Variants in KRT86 observed in about 807,000 individuals in gnomAD.
KRT86 encodes the protein keratin, type II cuticular Hb6.
KRT86 carries 30 observed loss-of-function variants against 41.2 expected under a neutral mutation model. The ratio of observed to expected loss-of-function variants is 0.73; its 90% CI spans 0.54 to 0.99. The LOEUF (loss-of-function observed/expected upper bound fraction) is 0.99. KRT86 is among the 50% of genes least tolerant of loss of function. The pLI is 0.00. For synonymous variants in KRT86, 238 were observed against 238.1 expected (o/e 1.00, Z 0.00); for missense variants, 561 against 571.4 (o/e 0.98, Z 0.19).
intron 2 of KRT86, chr12:52,288,600 C>T (rs1192158544): frequency 3.0e-6 from 3 of 1,010,946 alleles, no homozygotes; most frequent in Non-Finnish European, 4.7e-6. Flanking sequence ...TCTGCCCTTC[C>T]TGGGATGAGC....
chr12:52,304,357 G>C (rs1938449305), intron 5 of KRT86, among the ~76,000 whole-genome samples, 186 bp downstream of exon 5: 1 of 122,246 alleles, frequency 8.2e-6, no homozygotes, highest in Non-Finnish European at 1.7e-5. Context: ...CAATGACTTG[G>C]GAATATCTAC....
chr12:52,275,909 A>G lies in KRT86; in HGVS notation c.-42A>G. ...CTGAACAGGCTTAATCAGGCCATCC[A>G]GTGGCTGACGGTGGAGGTGGGCAGT... On this transcript the variant is annotated 5_prime_UTR_variant, in exon 2 of 11. Transcript: ENST00000423955. 2.0e-6 allele frequency: 2 copies of G among 986,048 alleles called. No individual in the cohort carries two copies. Among genetic ancestry groups the G allele is most frequent in the Non-Finnish European group, 2.4e-6 (2 of 830,006 alleles). The allele number at this position is 986,048 out of a possible 1,614,324, so 61.1% of individuals were successfully genotyped here.
chr12:52,280,674 C>A (rs1336246932), intron 2 of KRT86, among the ~76,000 whole-genome samples: 1 of 152,222 alleles, frequency 6.6e-6, no homozygotes, highest in Non-Finnish European at 1.5e-5. Flanking sequence ...GGGCATGACC[C>A]CACTGGGCTC....
At chr12:52,291,440 C>T in intron 2 of KRT86, 2 of 1,612,744 alleles carry the variant, frequency 1.2e-6, no homozygotes, top group South Asian at 1.1e-5. Flanking sequence ...GAAGGCGCGC[C>T]CACCAAATCC....
intron 2 of KRT86, among the ~76,000 whole-genome samples, chr12:52,281,131 G>T (rs1253821658): frequency 6.6e-6 from 1 of 152,190 alleles, no homozygotes; most frequent in Non-Finnish European, 1.5e-5. Flanking sequence ...TCCAGACTGG[G>T]GTGGGAGGAA....
chr12:52,295,806 T>C (rs1346818123), intron 2 of KRT86, among the ~76,000 whole-genome samples: 1 of 151,806 alleles, frequency 6.6e-6, no homozygotes. Context: ...TGCTGAGTAA[T>C]GGAGCCATCA....
In KRT86 at chr12:52,308,597, C is replaced by T; in HGVS notation, c.*12C>T. 1 of 1,593,234 alleles carries T rather than the reference C, an allele frequency of 6.3e-7. No individual in the cohort carries two copies. Among genetic ancestry groups the T allele is most frequent in the Non-Finnish European group, 8.5e-7 (1 of 1,177,978 alleles). On this transcript the variant is annotated 3_prime_UTR_variant, in exon 11 of 11. Coordinates refer to ENST00000423955, the MANE Select transcript of KRT86 (RefSeq NM_001320198.2). ...GTAAGAGGTGCTAGGAGGCTGCCGC[C>T]TCCGCCAGCGCCTGTCGCCGTCACT...
intron 2 of KRT86, chr12:52,286,103 G>GA: frequency 4.2e-6 from 3 of 718,922 alleles, no homozygotes; most frequent in Non-Finnish European, 4.8e-6. Flanking sequence ...AGAAGTGGGG[G>GA]ATCACACAGA....
chr12:52,305,554 T>C (rs1253557408), intron 7 of KRT86, 109 bp from the exon 8 acceptor site: 2 of 1,603,296 alleles, frequency 1.2e-6, no homozygotes, highest in Non-Finnish European at 1.7e-6. Context: ...AGGACTGCCA[T>C]GTGTGGTTGC....
At chr12:52,291,113 G>A (rs1454585172) in intron 2 of KRT86, 4 of 805,488 alleles carry the variant, frequency 5.0e-6, no homozygotes, top group Admixed American at 3.3e-5. Flanking sequence ...GATGAAGGCC[G>A]CGAACCTGCT....
chr12:52,300,497 G>C (rs964880459), intron 2 of KRT86, among the ~76,000 whole-genome samples: 3 of 152,120 alleles, frequency 2.0e-5, no homozygotes, highest in South Asian at 2.1e-4. Context: ...GTAGTAGGAG[G>C]GAAAGCCTTA....
At chr12:52,283,913 G>A (rs145806950) in intron 2 of KRT86, among the ~76,000 whole-genome samples, 58 of 152,284 alleles carry the variant, frequency 3.8e-4, no homozygotes, top group African/African-American at 1.4e-3. Context: ...ATTCCTTCCC[G>A]CCTTGCTCCT....
At chr12:52,278,702 T>C (rs1937698253) in intron 2 of KRT86, among the ~76,000 whole-genome samples, 1 of 152,166 alleles carries the variant, frequency 6.6e-6, no homozygotes, top group African/African-American at 2.4e-5. Flanking sequence ...AACAGTAGGC[T>C]GGCATGGTCG....
rs755479412 is a variant in KRT86, at chr12:52,305,337, T to G, written c.833T>G (p.Ile278Ser). 1.2e-6 allele frequency: 2 copies of G among 1,614,132 alleles called. No individual in the cohort carries two copies. Among genetic ancestry groups the G allele is most frequent in the Non-Finnish European group, 1.7e-6 (2 of 1,180,012 alleles). The change falls in exon 7 of 11, where the codon ATC becomes AGC. Residue 278 changes from isoleucine to serine, a missense_variant. Around this residue, in one of 3 missense-constraint regions of KRT86, gnomAD observed 397 missense variants for 375.9 expected, o/e 1.06. Coordinates refer to ENST00000423955, the MANE Select transcript of KRT86 (RefSeq NM_001320198.2). Reference sequence around the variant, plus strand: ...AACATGGACTGCATCATTGCCGAGATCAAGGCACAGTACGATGACATTGTC... The same window carrying G: ...AACATGGACTGCATCATTGCCGAGAGCAAGGCACAGTACGATGACATTGTC... ...DLNMDCIIAE[I>S]KAQYDDIVTR...
intron 2 of KRT86, chr12:52,286,999 T>C: frequency 6.3e-7 from 1 of 1,592,586 alleles, no homozygotes; most frequent in South Asian, 1.1e-5. Flanking sequence ...AATAATAATA[T>C]TTTTTTCCCC....
rs370858159 is a variant in KRT86 at position 52,305,373 on chromosome 12, G to A, written c.869G>A (p.Arg290Gln). 3.3e-5 allele frequency: 53 copies of A among 1,614,236 alleles called. No homozygotes were observed. Among genetic ancestry groups the A allele is most frequent in the Middle Eastern group, 3.3e-4 (2 of 6,062 alleles). ...AQYDDIVTRS[R>Q]AEAESWYRSK... ...TACGATGACATTGTCACCCGTAGCC[G>A]GGCTGAGGCCGAGTCCTGGTACCGC... The change falls in exon 7 of 11, where the codon CGG becomes CAG. Residue 290 changes from arginine (R) to glutamine (Q), a missense_variant. This residue lies in a region of KRT86 where 397 missense variants were observed against 375.9 expected (regional missense o/e 1.06). Transcript: ENST00000423955.
At chr12:52,283,344 G>A (rs1937821330) in intron 2 of KRT86, among the ~76,000 whole-genome samples, 2 of 128,958 alleles carry the variant, frequency 1.6e-5, no homozygotes, top group African/African-American at 6.1e-5. Context: ...AGTGAGCTGA[G>A]CCTGCACCAC....
In KRT86 at chr12:52,304,440, C is replaced by T. The variant is rs372955071; in HGVS notation, c.639+269C>T. 0.68 allele frequency among the ~76,000 whole-genome samples: 93,767 copies of T among 138,002 alleles called. 31,481 individuals are homozygous for T. The highest frequency in any genetic ancestry group is 0.79 in the African/African-American group (27,450 of 34,622). 90.5% of individuals were successfully genotyped at this position (138,002 alleles called of 152,430 possible). On this transcript the variant is annotated intron_variant, in intron 5 of 10. Transcript: ENST00000423955. Reference sequence around the variant, plus strand: ...CCTGCTCTGTTCCAGAGGTTGTGGTCTATTGCTGAGGCCCCTGGAGCCATA... The same window carrying T: ...CCTGCTCTGTTCCAGAGGTTGTGGTTTATTGCTGAGGCCCCTGGAGCCATA...
At chr12:52,286,023 G>A (rs1381479355) in intron 2 of KRT86, 2 of 573,942 alleles carry the variant, frequency 3.5e-6, no homozygotes, top group Non-Finnish European at 3.1e-6. Flanking sequence ...CTGCTCCTGA[G>A]GCCCCTTCCT....
Sources: gnomAD v4.1 joint callset for allele counts (sites outside exome capture counted in the v4.1 genomes callset) on GRCh38, gnomAD v4.1.1 for gene constraint, gnomAD v4.1.1 regional missense constraint, MANE v1.5 for transcripts, NCBI Gene and HGNC (gene_info 2026-07-23, HGNC 2026-07-21) for gene names.